TLN2: variants seen among roughly 807,000 people sequenced by gnomAD.
The protein encoded by TLN2 is talin-2.
In TLN2, 118 loss-of-function variants were observed where a neutral mutation model predicts 294.7. The ratio of observed to expected loss-of-function variants is 0.40; its 90% CI spans 0.34 to 0.47. The LOEUF (loss-of-function observed/expected upper bound fraction) is 0.47, where lower values mean the gene tolerates loss of function less well. Ranked by LOEUF, TLN2 falls within the 20% of genes least tolerant of loss-of-function variation. The pLI, the probability that TLN2 is intolerant of heterozygous loss-of-function variation, is 0.84. For synonymous variants in TLN2, 1,431 were observed against 1,304.5 expected, an observed-to-expected ratio of 1.10 and a Z score of -2.09; for missense variants, 3,083 against 3,282.2, an observed-to-expected ratio of 0.94 and a Z score of 1.48.
chr15:62,426,368 C>T (rs951553138), intron 1 of TLN2, among the ~76,000 whole-genome samples: 2 of 152,226 alleles, frequency 1.3e-5, no homozygotes, highest in Admixed American at 6.5e-5. Context: ...GGAGCAAAGC[C>T]GTTGCTGCCC....
intron 1 of TLN2, among the ~76,000 whole-genome samples, chr15:62,575,292 C>T (rs757969741): frequency 8.5e-5 from 13 of 152,128 alleles, no homozygotes; most frequent in Non-Finnish European, 1.5e-4. Flanking sequence ...AGCACTCCAG[C>T]GTGAGTGACA....
intron 45 of TLN2, among the ~76,000 whole-genome samples, chr15:62,787,693 C>CTTTTT (rs71672889): frequency 1.2e-3 from 77 of 65,534 alleles, no homozygotes; most frequent in South Asian, 1.7e-3. Context: ...AACTCCTTAT[C>CTTTTT]TTTTTTTTTT....
At chr15:62,622,772 G>C (rs982669012) in intron 3 of TLN2, among the ~76,000 whole-genome samples, 3 of 152,124 alleles carry the variant, frequency 2.0e-5, no homozygotes, top group Non-Finnish European at 2.9e-5. Context: ...TGATAAAAGA[G>C]GGAAAAGCTT....
rs185600397 is a variant in TLN2 at position 62,499,152 on chromosome 15, T to C, written c.-237-90535T>C. 4.5e-3 allele frequency among the ~76,000 whole-genome samples: 684 copies of C among 152,336 alleles called. 2 individuals are homozygous for C. The highest frequency in any genetic ancestry group is 7.8e-3 in the Non-Finnish European group (532 of 68,036). On this transcript the variant is annotated intron_variant, in intron 1 of 58. Coordinates refer to ENST00000636159, the MANE Select transcript of TLN2 (RefSeq NM_015059.3). ...CTTTCTGCTACCTGGGACATTATTT[T>C]TATTTATTACAAAACATTGACTAGA...
At chr15:62,553,660 C>T (rs2042446555) in intron 1 of TLN2, among the ~76,000 whole-genome samples, 1 of 152,064 alleles carries the variant, frequency 6.6e-6, no homozygotes, top group South Asian at 2.1e-4. Flanking sequence ...AGAAAATGCA[C>T]ATAAAAATAA....
chr15:62,494,139 A>C (rs1166283957), intron 1 of TLN2, among the ~76,000 whole-genome samples: 1 of 152,130 alleles, frequency 6.6e-6, no homozygotes, highest in African/African-American at 2.4e-5. Flanking sequence ...CATGTCTTCA[A>C]TTATCCAAGT....
intron 48 of TLN2, among the ~76,000 whole-genome samples, chr15:62,797,860 G>A (rs1178187433): frequency 1.3e-5 from 2 of 152,194 alleles, no homozygotes; most frequent in Admixed American, 6.5e-5. Context: ...TGGGTTCAGC[G>A]ACTGTTGCCA....
chr15:62,699,862 A>G (rs1187893365), intron 16 of TLN2, among the ~76,000 whole-genome samples: 5 of 152,202 alleles, frequency 3.3e-5, no homozygotes, highest in Non-Finnish European at 7.3e-5. Context: ...GTGGAGCCTG[A>G]GAATCAGTGG....
intron 1 of TLN2, among the ~76,000 whole-genome samples, chr15:62,552,993 G>T (rs182730515): frequency 4.9e-4 from 74 of 152,214 alleles, no homozygotes; most frequent in African/African-American, 1.6e-3. Context: ...AGGATCTCAC[G>T]TGATATGTGA....
At chr15:62,823,067 G>T (rs1405391701) in intron 54 of TLN2, among the ~76,000 whole-genome samples, 4 of 152,094 alleles carry the variant, frequency 2.6e-5, no homozygotes, top group African/African-American at 9.7e-5. Context: ...GGAGTCCTTC[G>T]GCCAAGGTCA....
intron 1 of TLN2, among the ~76,000 whole-genome samples, chr15:62,403,131 G>A (rs753308978): frequency 1.3e-5 from 2 of 151,866 alleles, no homozygotes; most frequent in African/African-American, 2.4e-5. Context: ...CCAGCTACTC[G>A]GGAGGCTGAG....
chr15:62,631,523 T>TCTTTTCTTTCTTTCTTTC (rs2049845973), intron 3 of TLN2, among the ~76,000 whole-genome samples: 1 of 55,170 alleles, frequency 1.8e-5, no homozygotes, highest in Non-Finnish European at 3.7e-5. Flanking sequence ...TCTTTCTTCC[T>TCTTTTCTTTCTTTCTTTC]TTCCTTTCCT....
intron 26 of TLN2, among the ~76,000 whole-genome samples, chr15:62,723,538 C>CTTA: frequency 9.3e-6 from 1 of 107,202 alleles, no homozygotes; most frequent in Admixed American, 1.2e-4. Flanking sequence ...ACTGTGAAAA[C>CTTA]TTTTTTTTTT....
intron 2 of TLN2, among the ~76,000 whole-genome samples, chr15:62,606,297 G>C (rs548937520): frequency 8.6e-4 from 127 of 148,178 alleles, no homozygotes; most frequent in Non-Finnish European, 1.5e-3. Flanking sequence ...TCCCCTGTTG[G>C]TCAGGCTGGT....
At chr15:62,438,917 A>C (rs1035336570) in intron 1 of TLN2, among the ~76,000 whole-genome samples, 1 of 151,898 alleles carries the variant, frequency 6.6e-6, no homozygotes, top group African/African-American at 2.4e-5. Flanking sequence ...CATACTTCCT[A>C]CTCTTAATTT....
chr15:62,764,048 T>A (rs1321030057), intron 40 of TLN2, among the ~76,000 whole-genome samples: 1 of 152,230 alleles, frequency 6.6e-6, no homozygotes, highest in Non-Finnish European at 1.5e-5. Context: ...AAATTTTGAA[T>A]AATTCTCTGT....
chr15:62,813,708 C>T (rs1047533990), intron 52 of TLN2, among the ~76,000 whole-genome samples: 6 of 151,950 alleles, frequency 3.9e-5, no homozygotes, highest in African/African-American at 1.5e-4. Flanking sequence ...TTACAATGTG[C>T]CTAAGTTTAA....
chr15:62,699,430 T>C (rs1339442987), intron 16 of TLN2, among the ~76,000 whole-genome samples: 1 of 152,082 alleles, frequency 6.6e-6, no homozygotes, highest in Non-Finnish European at 1.5e-5. Flanking sequence ...ATTTTGCATT[T>C]GCAACAAGAT....
intron 24 of TLN2, among the ~76,000 whole-genome samples, chr15:62,719,071 C>T (rs1038743809): frequency 6.6e-6 from 1 of 152,176 alleles, no homozygotes; most frequent in Non-Finnish European, 1.5e-5. Context: ...AGTGCTGTGG[C>T]CTCTGAGAGC....
Sources: allele counts gnomAD v4.1 joint callset (sites outside exome capture counted in the v4.1 genomes callset), GRCh38; gene constraint gnomAD v4.1.1; transcripts MANE v1.5; gene names NCBI Gene and HGNC (gene_info 2026-07-23, HGNC 2026-07-21).